The following ADGB variants were observed in gnomAD, a reference collection of about 807,000 sequenced individuals.
ADGB encodes the protein calpain-7-like protein.
ADGB carries 172 observed loss-of-function variants against 210.5 expected under a neutral mutation model. The ratio of observed to expected loss-of-function variants is 0.82; its 90% CI spans 0.72 to 0.93. The LOEUF is 0.93. Ranked by LOEUF, ADGB falls within the 40% of genes least tolerant of loss-of-function variation. The pLI is 0.00. For synonymous variants in ADGB, 658 were observed against 662.7 expected (o/e 0.99, Z 0.11); for missense variants, 2,025 against 1,964.8 (o/e 1.03, Z -0.58).
chr6:146,726,376 C>T (rs1423332030), intron 19 of ADGB, among the ~76,000 whole-genome samples, 179 bp downstream of exon 19: 3 of 152,064 alleles, frequency 2.0e-5, no homozygotes, highest in Admixed American at 1.3e-4. Context: ...GTGCGTGCCA[C>T]CACACCCTGC....
At chr6:146,726,220 GTTAT>G (rs747787818) in intron 19 of ADGB, 23 bp downstream of exon 19, 227 of 1,438,614 alleles carry the variant, frequency 1.6e-4, no homozygotes, top group Middle Eastern at 1.7e-4. Flanking sequence ...GCAACAGCAA[GTTAT>G]TTATTTATTT....
chr6:146,770,837 A>G (rs1047412143), intron 29 of ADGB, among the ~76,000 whole-genome samples: 3 of 152,076 alleles, frequency 2.0e-5, no homozygotes, highest in African/African-American at 7.2e-5. Flanking sequence ...TGTTTTTTGA[A>G]CGAGTGGCTG....
At chr6:146,779,824 C>T (rs1777773323) in intron 29 of ADGB, among the ~76,000 whole-genome samples, 1 of 148,908 alleles carries the variant, frequency 6.7e-6, no homozygotes, top group Admixed American at 6.7e-5. Context: ...TGAAAACAAA[C>T]TTGCCCTACA....
chr6:146,698,727 T>C (rs182073746), intron 12 of ADGB, among the ~76,000 whole-genome samples: 7 of 152,236 alleles, frequency 4.6e-5, no homozygotes, highest in African/African-American at 1.7e-4. Context: ...AATCTAGTTT[T>C]TTTCTCAAAC....
At chr6:146,612,171 T>A (rs1416096662) in intron 1 of ADGB, among the ~76,000 whole-genome samples, 3 of 152,214 alleles carry the variant, frequency 2.0e-5, no homozygotes, top group African/African-American at 7.2e-5. Context: ...TGCTTTGTTT[T>A]CTGTCCTTTA....
intron 13 of ADGB, among the ~76,000 whole-genome samples, chr6:146,705,482 A>T (rs1776556775): frequency 6.6e-6 from 1 of 152,162 alleles, no homozygotes; most frequent in South Asian, 2.1e-4. Flanking sequence ...TTTTTTAATC[A>T]TAAAAGGATG....
intron 33 of ADGB, among the ~76,000 whole-genome samples, chr6:146,795,338 G>A (rs2114658228): frequency 6.6e-6 from 1 of 152,222 alleles, no homozygotes; most frequent in Admixed American, 6.5e-5. Context: ...CTTCTGCACA[G>A]TAAAGGAACT....
chr6:146,684,953 A>G (rs971359252), intron 9 of ADGB, among the ~76,000 whole-genome samples: 3 of 152,072 alleles, frequency 2.0e-5, no homozygotes, highest in Non-Finnish European at 4.4e-5. Flanking sequence ...TTCTAGACAT[A>G]TACTGGGCTG....
intron 33 of ADGB, among the ~76,000 whole-genome samples, chr6:146,796,594 A>C (rs1778046644): frequency 6.6e-6 from 1 of 152,168 alleles, no homozygotes. Flanking sequence ...TTAAAAAGCA[A>C]ACAAAACAGA....
chr6:146,797,978 A>C (rs1449480290), intron 33 of ADGB, among the ~76,000 whole-genome samples: 2 of 151,310 alleles, frequency 1.3e-5, no homozygotes, highest in African/African-American at 4.9e-5. Context: ...TGAAAAAAAA[A>C]AAGTTGGATA....
chr6:146,721,646 T>C, intron 17 of ADGB, 141 bp downstream of exon 17: 1 of 561,002 alleles, frequency 1.8e-6, no homozygotes, highest in Non-Finnish European at 3.2e-6. Context: ...TAGGCCAGCC[T>C]GACCAACATG....
At chr6:146,743,786 C>T (rs541963866) in intron 25 of ADGB, among the ~76,000 whole-genome samples, 7 of 152,180 alleles carry the variant, frequency 4.6e-5, no homozygotes, top group East Asian at 1.9e-4. Context: ...TGGTGGCGTG[C>T]GCCTGTAGTC....
intron 33 of ADGB, among the ~76,000 whole-genome samples, chr6:146,799,187 C>T (rs1778087721): frequency 6.6e-6 from 1 of 151,432 alleles, no homozygotes; most frequent in Non-Finnish European, 1.5e-5. Context: ...TTATTAATGG[C>T]GAGGAATTAG....
rs189583857 is a variant in ADGB, at chr6:146,690,519, T to A, written c.1312-597T>A. ...AGTAACGTAAGTTCTACTTAGCTGT[T>A]ATTCTGAATTATTCCAAAGCAGACT... On this transcript the variant is annotated intron_variant, in intron 10 of 35. Transcript: ENST00000397944. 3.1e-3 allele frequency among the ~76,000 whole-genome samples: 473 copies of A among 152,308 alleles called. 3 individuals are homozygous for A. The highest frequency in any genetic ancestry group is 4.8e-3 in the Non-Finnish European group (324 of 68,018).
intron 32 of ADGB, among the ~76,000 whole-genome samples, chr6:146,786,722 C>G (rs1354935583): frequency 6.6e-6 from 1 of 152,178 alleles, no homozygotes. Context: ...CTCAAGTACT[C>G]ACTCCTCTAA....
intron 27 of ADGB, among the ~76,000 whole-genome samples, chr6:146,758,698 T>C (rs1438631202): frequency 6.6e-6 from 1 of 151,944 alleles, no homozygotes; most frequent in African/African-American, 2.4e-5. Context: ...CCAGATGAAC[T>C]TTAATACAGT....
At chr6:146,770,602 G>C in intron 29 of ADGB, 1 of 470,348 alleles carries the variant, frequency 2.1e-6, no homozygotes, top group South Asian at 1.6e-5. Flanking sequence ...CCACACCAGT[G>C]ACCTCAGGTA....
rs182882645 is a variant in ADGB, at chr6:146,747,637, G to A, written c.3365+1528G>A. Among the ~76,000 whole-genome samples, 3 of 152,158 alleles carry A rather than the reference G, an allele frequency of 2.0e-5. No individual in the cohort carries two copies. The East Asian group carries it at 5.8e-4, about 29-fold the overall frequency. On this transcript the variant is annotated intron_variant, in intron 26 of 35. Transcript: ENST00000397944. The stretch of plus-strand genomic sequence containing the variant: ...TTCTGAGAAGAGCCTCACTGGACAA[G>A]AAGTATGGATTTTTACATTAGGAGC...
intron 1 of ADGB, among the ~76,000 whole-genome samples, chr6:146,627,813 C>T (rs1780999809): frequency 6.6e-6 from 1 of 152,114 alleles, no homozygotes; most frequent in Non-Finnish European, 1.5e-5. Context: ...ACACTCATCT[C>T]CTTCTGTATG....
Sources: gnomAD v4.1 joint callset for allele counts (sites outside exome capture counted in the v4.1 genomes callset) on GRCh38, gnomAD v4.1.1 for gene constraint, MANE v1.5 for transcripts, NCBI Gene and HGNC (gene_info 2026-07-23, HGNC 2026-07-21) for gene names.